SPIDR: variants seen among roughly 807,000 people sequenced by gnomAD.
SPIDR encodes the protein scaffold protein involved in DNA repair, also known as DNA repair-scaffolding protein.
SPIDR carries 93 observed loss-of-function variants against 104.6 expected under a neutral mutation model. The ratio of observed to expected loss-of-function variants is 0.89; its 90% CI spans 0.75 to 1.06. The LOEUF (loss-of-function observed/expected upper bound fraction) is 1.06. Among genes scored for constraint, SPIDR ranks in the 50% least tolerant of loss-of-function variants. SPIDR has a pLI of 0.00. For missense variants in SPIDR, 1,154 were observed against 1,111.2 expected (o/e 1.04, Z -0.55); for synonymous variants, 431 against 416.9 (o/e 1.03, Z -0.41).
Position 47,466,635 on chromosome 8 carries a change from C to T in SPIDR, c.1097+26093C>T, listed in dbSNP as rs571779384. On this transcript the variant is annotated intron_variant, in intron 8 of 19. Coordinates refer to ENST00000297423, the MANE Select transcript of SPIDR (RefSeq NM_001080394.4). ...CAGCACTTTGGGAGGCCAAGGCAGG[C>T]GGATCACTTGAGGTCAGGAGTTCAA... 5.3e-5 allele frequency among the ~76,000 whole-genome samples: 8 copies of T among 151,166 alleles called. No individual in the cohort carries two copies. In the South Asian group the frequency reaches 8.4e-4, roughly 16 times the overall value.
intron 16 of SPIDR, among the ~76,000 whole-genome samples, chr8:47,723,742 T>A (rs2083783220): frequency 6.6e-6 from 1 of 152,232 alleles, no homozygotes. Flanking sequence ...TTATACTTAT[T>A]TTTAAGTTTT....
intron 8 of SPIDR, among the ~76,000 whole-genome samples, chr8:47,444,198 C>G (rs1225376581): frequency 7.2e-5 from 11 of 152,126 alleles, no homozygotes; most frequent in African/African-American, 2.7e-4. Flanking sequence ...ACCACTTGAA[C>G]ACAGATATAC....
chr8:47,476,313 A>G (rs2076291694), intron 8 of SPIDR, among the ~76,000 whole-genome samples: 1 of 152,118 alleles, frequency 6.6e-6, no homozygotes, highest in Admixed American at 6.5e-5. Context: ...TGTGATCGAG[A>G]TTGGACAGGC....
intron 5 of SPIDR, among the ~76,000 whole-genome samples, chr8:47,352,656 A>G (rs745471556): frequency 5.9e-5 from 9 of 152,152 alleles, no homozygotes; most frequent in Non-Finnish European, 1.2e-4. Context: ...TGCTTTTGCT[A>G]ATGGTGAGAA....
intron 8 of SPIDR, among the ~76,000 whole-genome samples, chr8:47,466,900 A>AAAATAT (rs34970317): frequency 7.9e-5 from 9 of 114,340 alleles, no homozygotes; most frequent in African/African-American, 2.9e-4. Context: ...AAAAAAAAAA[A>AAAATAT]ATATATATAT....
At chr8:47,671,585 A>AAAATAAATAAAT (rs60133278) in intron 10 of SPIDR, among the ~76,000 whole-genome samples, 23,500 of 142,514 alleles carry the variant, frequency 0.16, 2,125 homozygotes, top group African/African-American at 0.21. Flanking sequence ...ACTCCATCTC[A>AAAATAAATAAAT]AAATAAATAA....
intron 8 of SPIDR, among the ~76,000 whole-genome samples, chr8:47,448,254 AG>A (rs2071052706): frequency 6.6e-6 from 1 of 152,224 alleles, no homozygotes; most frequent in Non-Finnish European, 1.5e-5. Context: ...CCCGTTGCCT[AG>A]AATAATGCTT....
intron 8 of SPIDR, among the ~76,000 whole-genome samples, chr8:47,545,312 G>A (rs189655105): frequency 2.8e-4 from 43 of 151,536 alleles, no homozygotes; most frequent in Admixed American, 2.3e-3. Flanking sequence ...TAAGTGATTC[G>A]CCCTCTTTGG....
intron 1 of SPIDR, among the ~76,000 whole-genome samples, chr8:47,275,631 A>T (rs2036268803): frequency 6.6e-6 from 1 of 152,226 alleles, no homozygotes; most frequent in African/African-American, 2.4e-5. Flanking sequence ...AGCAGAATAC[A>T]ACACTGTCTA....
At chr8:47,589,529 C>CA (rs201545161) in intron 8 of SPIDR, among the ~76,000 whole-genome samples, 3,957 of 137,624 alleles carry the variant, frequency 0.029, 124 homozygotes, top group East Asian at 0.096. Flanking sequence ...CATCTCAAAA[C>CA]AAAAAAAAAA....
chr8:47,436,592 G>A (rs555297176), intron 7 of SPIDR, among the ~76,000 whole-genome samples: 3 of 152,126 alleles, frequency 2.0e-5, no homozygotes, highest in Non-Finnish European at 4.4e-5. Flanking sequence ...ATGTTATGGT[G>A]GTGCGAGCCT....
chr8:47,322,636 C>T (rs568613959), intron 5 of SPIDR, among the ~76,000 whole-genome samples: 4 of 152,270 alleles, frequency 2.6e-5, no homozygotes, highest in African/African-American at 9.6e-5. Flanking sequence ...GACACATGCA[C>T]ACGTATGTTT....
At chr8:47,275,002 G>A (rs1313015716) in intron 1 of SPIDR, among the ~76,000 whole-genome samples, 1 of 151,408 alleles carries the variant, frequency 6.6e-6, no homozygotes, top group African/African-American at 2.4e-5. Context: ...GCTCACGCCT[G>A]TAATCCCAGC....
At chr8:47,735,192 G>A (rs137962008) in intron 19 of SPIDR, 115 bp from the exon 20 acceptor site, 2 of 911,178 alleles carry the variant, frequency 2.2e-6, no homozygotes, top group Non-Finnish European at 3.5e-6. Context: ...TTGAGGAGTG[G>A]AAGGTCGTGG....
At position 47,595,913 on chromosome 8, in the gene SPIDR, G is replaced by A. The variant is rs1412506254; in HGVS notation, c.1200G>A (p.Val400=). Residue 400 remains valine, a synonymous_variant, in exon 9 of 20, where the codon GTG becomes GTA. Transcript: ENST00000297423. ...AKEDSEKTCE[V]YCPDIPLPRR... Reference sequence around the variant, plus strand: ...AAGATTCAGAAAAAACTTGTGAAGTGTACTGTCCGGACATACCCCTTCCAA... The same window carrying A: ...AAGATTCAGAAAAAACTTGTGAAGTATACTGTCCGGACATACCCCTTCCAA... The A allele has an allele frequency of 6.2e-7, 1 of 1,614,096 alleles. No individual in the cohort carries two copies. The highest frequency in any genetic ancestry group is 8.5e-7 in the Non-Finnish European group (1 of 1,180,042).
chr8:47,610,062 C>G (rs2063420880), intron 10 of SPIDR, among the ~76,000 whole-genome samples: 1 of 152,134 alleles, frequency 6.6e-6, no homozygotes, highest in South Asian at 2.1e-4. Context: ...TTTTCCAGCA[C>G]CTGTCATCCA....
chr8:47,367,528 A>C (rs1368432003), intron 5 of SPIDR, among the ~76,000 whole-genome samples: 10 of 152,242 alleles, frequency 6.6e-5, no homozygotes, highest in Admixed American at 4.6e-4. Flanking sequence ...GCAATAGGAA[A>C]CTAACAAAGT....
intron 5 of SPIDR, among the ~76,000 whole-genome samples, chr8:47,394,533 G>A (rs1279532830): frequency 6.6e-6 from 1 of 152,216 alleles, no homozygotes; most frequent in Non-Finnish European, 1.5e-5. Context: ...GTGGGGCAGT[G>A]CTCCTGTCAT....
At chr8:47,363,854 T>TTC (rs1554632362) in intron 5 of SPIDR, among the ~76,000 whole-genome samples, 1 of 151,544 alleles carries the variant, frequency 6.6e-6, no homozygotes, top group Non-Finnish European at 1.5e-5. Flanking sequence ...TTTTTTTTTT[T>TTC]TCTCTCTCTG....
Sources: allele counts gnomAD v4.1 joint callset (sites outside exome capture counted in the v4.1 genomes callset), GRCh38; gene constraint gnomAD v4.1.1; transcripts MANE v1.5; gene names NCBI Gene and HGNC (gene_info 2026-07-23, HGNC 2026-07-21).